TLL2: variants seen among roughly 807,000 people sequenced by gnomAD.
TLL2 encodes the protein tolloid like 2.
TLL2 carries 106 observed loss-of-function variants against 123.0 expected under a neutral mutation model. The ratio of observed to expected loss-of-function variants is 0.86; its 90% CI spans 0.74 to 1.01. The LOEUF (loss-of-function observed/expected upper bound fraction) is 1.01, where lower values mean the gene tolerates loss of function less well. Ranked by LOEUF, TLL2 falls within the 50% of genes least tolerant of loss-of-function variation. TLL2 has a pLI of 0.00. For missense variants in TLL2, 1,332 were observed against 1,336.7 expected, an observed-to-expected ratio of 1.00 and a Z score of 0.06; for synonymous variants, 494 against 516.8, an observed-to-expected ratio of 0.96 and a Z score of 0.60.
Position 96,373,826 on chromosome 10 carries a change from A to C in TLL2, c.2449-17T>G. On this transcript the variant is annotated splice_polypyrimidine_tract_variant and intron_variant, in intron 18 of 20. Transcript: ENST00000357947. ...ATTAAAGGTCTGGGGACAGAAGAGC[A>C]GAAAGTAAGGCAAGGGCCTGGCGTT... The C allele has an allele frequency of 6.2e-7, 1 of 1,610,330 alleles. No homozygotes were observed. The highest frequency in any genetic ancestry group is 8.5e-7 in the Non-Finnish European group (1 of 1,178,822).
chr10:96,472,470 C>T (rs1336568925), intron 2 of TLL2, among the ~76,000 whole-genome samples: 1 of 152,164 alleles, frequency 6.6e-6, no homozygotes, highest in Non-Finnish European at 1.5e-5. Context: ...TCTCAAGAGC[C>T]TCAAAGTTGG....
intron 3 of TLL2, among the ~76,000 whole-genome samples, chr10:96,434,949 A>C (rs1846778933): frequency 6.6e-6 from 1 of 151,874 alleles, no homozygotes; most frequent in East Asian, 1.9e-4. Flanking sequence ...GATGTTGAAC[A>C]TCTCTTCCAC....
chr10:96,466,749 C>T (rs1250372266), intron 2 of TLL2, among the ~76,000 whole-genome samples: 1 of 152,202 alleles, frequency 6.6e-6, no homozygotes, highest in Admixed American at 6.5e-5. Flanking sequence ...TGAAGTTCCA[C>T]GAGGCATCAA....
chr10:96,389,911 T>A (rs1239568877), intron 13 of TLL2, among the ~76,000 whole-genome samples: 1 of 152,240 alleles, frequency 6.6e-6, no homozygotes, highest in East Asian at 1.9e-4. Flanking sequence ...AGCCGTGAGA[T>A]GTTTGGCCAG....
intron 2 of TLL2, among the ~76,000 whole-genome samples, chr10:96,458,417 T>C (rs1847037948): frequency 6.6e-6 from 1 of 151,690 alleles, no homozygotes. Context: ...AGAAACGCTG[T>C]CTCTGCTAAA....
chr10:96,468,756 C>A (rs1284756332), intron 2 of TLL2, among the ~76,000 whole-genome samples: 1 of 152,190 alleles, frequency 6.6e-6, no homozygotes, highest in Non-Finnish European at 1.5e-5. Context: ...CCTGGCCCTG[C>A]ACCCCACCGT....
chr10:96,410,680 AT>A (rs1263419767), intron 8 of TLL2: 1 of 649,838 alleles, frequency 1.5e-6, no homozygotes, highest in African/African-American at 1.8e-5. Context: ...ACGCCCAGGA[AT>A]TTCTTCTGAG....
chr10:96,411,300 A>G (rs1370534909), intron 8 of TLL2, among the ~76,000 whole-genome samples: 1 of 147,460 alleles, frequency 6.8e-6, no homozygotes, highest in Non-Finnish European at 1.5e-5. Context: ...AAAAAGTGGA[A>G]GTAGGTAAGA....
chr10:96,421,174 T>C, intron 6 of TLL2, 113 bp from the exon 7 acceptor site: 1 of 741,354 alleles, frequency 1.3e-6, no homozygotes, highest in South Asian at 1.6e-5. Context: ...CTTGGCCCAA[T>C]CAGTCAAATA....
In TLL2 at chr10:96,386,204, C is replaced by G. The variant is rs147141398; in HGVS notation, c.1864G>C (p.Gly622Arg). Residue 622 changes from glycine to arginine, a missense_variant, in exon 15 of 21, where the codon GGT becomes CGT. Physicochemically the swap from Gly to Arg is moderately radical, Grantham distance 125. Transcript: ENST00000357947. ...GTTCCATTCAGCTTGGTAATGAAAC[C>G]GCCACAGGCCACTGCACGGGGGAAA... Reference protein sequence around the residue: ...DKKMCEVACGGFITKLNGTIT... With the variant: ...DKKMCEVACGRFITKLNGTIT... The G allele has an allele frequency of 2.5e-6, 4 of 1,595,840 alleles. No individual in the cohort carries two copies. Among genetic ancestry groups the G allele is most frequent in the Non-Finnish European group, 3.4e-6 (4 of 1,170,560 alleles).
At position 96,428,722 on chromosome 10, in the gene TLL2, C is replaced by T; in HGVS notation, c.547G>A (p.Ala183Thr). ...TGSQRAIFKQ[A>T]MRHWEKHTCV... ...GTGTGCTTCTCCCAGTGTCTCATGGCCTGCTTAAAAATGGCCCTCTGGCTC... is the reference window on the plus strand; with the variant it reads ...GTGTGCTTCTCCCAGTGTCTCATGGTCTGCTTAAAAATGGCCCTCTGGCTC... Residue 183 changes from alanine to threonine, a missense_variant, in exon 5 of 21, where the codon GCC becomes ACC. Coordinates refer to ENST00000357947, the MANE Select transcript of TLL2 (RefSeq NM_012465.4). The T allele has an allele frequency of 6.2e-7, 1 of 1,613,780 alleles. No individual in the cohort carries two copies. The highest frequency in any genetic ancestry group is 8.5e-7 in the Non-Finnish European group (1 of 1,179,832).
intron 5 of TLL2, among the ~76,000 whole-genome samples, chr10:96,424,165 G>C (rs1329036500): frequency 6.6e-6 from 1 of 152,094 alleles, no homozygotes; most frequent in Non-Finnish European, 1.5e-5. Flanking sequence ...TGGAAGGGTA[G>C]TGGGGGACTG....
In TLL2 at chr10:96,495,081, A is replaced by C. The variant is rs139585581; in HGVS notation, c.176-14622T>G. Among the ~76,000 whole-genome samples the C allele has an allele frequency of 3.5e-3, 529 of 152,294 alleles. 4 individuals carry two copies. The highest frequency in any genetic ancestry group is 0.012 in the African/African-American group (506 of 41,550). ...TTGGGGCCTGCTGTTTGTCCACTCC[A>C]ATAACAAGCCACTCCAATAACTTCC... is the stretch of plus-strand genomic sequence containing the variant. On this transcript the variant is annotated intron_variant, in intron 1 of 20. Transcript: ENST00000357947.
chr10:96,435,125 G>A (rs1473738991), intron 3 of TLL2, among the ~76,000 whole-genome samples: 3 of 149,072 alleles, frequency 2.0e-5, no homozygotes, highest in Admixed American at 1.4e-4. Flanking sequence ...TCTGCCTCCC[G>A]GGTTCATGCC....
chr10:96,455,471 C>G (rs1227351412), intron 2 of TLL2, among the ~76,000 whole-genome samples: 1 of 152,100 alleles, frequency 6.6e-6, no homozygotes, highest in East Asian at 1.9e-4. Flanking sequence ...TGTTCTTAGT[C>G]ACAGGATGAG....
intron 4 of TLL2, among the ~76,000 whole-genome samples, chr10:96,429,798 AG>A (rs1191459043): frequency 6.6e-6 from 1 of 152,170 alleles, no homozygotes; most frequent in East Asian, 1.9e-4. Context: ...TTTTTCTTCC[AG>A]GCCTTTGAAA....
chr10:96,395,374 C>A lies in TLL2; in HGVS notation c.1539G>T (p.Arg513Ser). ...GGTAGTCATATGCACAGCTGTCGTG[C>A]CTTTCAATCTAAAGGAAGAAACAGA... The part of the protein sequence containing the change: ...GLTFQAFEIE[R>S]HDSCAYDYLE... The change falls in exon 13 of 21, where the codon AGG (arginine) becomes AGT (serine). Residue 513 changes from arginine to serine, a missense_variant. By Grantham distance (110) the Arg-to-Ser change is moderately radical. Coordinates refer to ENST00000357947, the MANE Select transcript of TLL2 (RefSeq NM_012465.4). 1 of 1,586,660 alleles carries A rather than the reference C, an allele frequency of 6.3e-7. No individual in the cohort carries two copies. Among genetic ancestry groups the A allele is most frequent in the Middle Eastern group, 1.8e-4 (1 of 5,640 alleles).
In TLL2 at chr10:96,384,634, G is replaced by A. The variant is rs772160239; in HGVS notation, c.2147C>T (p.Ser716Phe). 1.9e-6 allele frequency: 3 copies of A among 1,610,818 alleles called. No individual in the cohort carries two copies. The highest frequency in any genetic ancestry group is 2.2e-5 in the South Asian group (2 of 90,610). The change falls in exon 16 of 21, where the codon TCC becomes TTC. Residue 716 changes from serine to phenylalanine, a missense_variant. Physicochemically the swap from Ser to Phe is radical, Grantham distance 155. Transcript: ENST00000357947. ...QSNNMRVEFK[S>F]DNTVSKRGFR... Reference sequence around the variant, plus strand: ...GCCGCGCTTGGAGACGGTGTTGTCGGACTTGAACTCCACGCGCATGTTGTT... The same window carrying A: ...GCCGCGCTTGGAGACGGTGTTGTCGAACTTGAACTCCACGCGCATGTTGTT...
rs201143028 is a variant in TLL2 at position 96,397,342 on chromosome 10, C to G, written c.1268-40G>C. On this transcript the variant is annotated intron_variant, in intron 10 of 20. Transcript: ENST00000357947. ...AAGAAGCAGTTAGGAGCCCTGGGGA[C>G]AGCAAGAAGGCACTGGCTTCAGGCT... The G allele has an allele frequency of 1.5e-4, 226 of 1,536,930 alleles. 2 individuals carry two copies. The highest frequency in any genetic ancestry group is 4.4e-5 in the Non-Finnish European group (50 of 1,124,234).
Sources: gnomAD v4.1 joint callset for allele counts (sites outside exome capture counted in the v4.1 genomes callset) on GRCh38, gnomAD v4.1.1 for gene constraint, MANE v1.5 for transcripts, NCBI Gene and HGNC (gene_info 2026-07-23, HGNC 2026-07-21) for gene names.